Variants in SLC35F3 observed in about 807,000 individuals in gnomAD.
SLC35F3 encodes the protein solute carrier family 35 member F3.
Under a neutral mutation model 49.9 loss-of-function variants are expected in SLC35F3, and 25 were observed. The observed-to-expected ratio is 0.50, with a 90% confidence interval of 0.37 to 0.70. SLC35F3 has a LOEUF of 0.70. Among genes scored for constraint, SLC35F3 ranks in the 30% least tolerant of loss-of-function variants. The pLI is 0.00. For synonymous variants in SLC35F3, 275 were observed against 265.4 expected, an observed-to-expected ratio of 1.04 and a Z score of -0.35; for missense variants, 525 against 639.8, an observed-to-expected ratio of 0.82 and a Z score of 1.94.
rs1445858179 is a variant in SLC35F3 at position 234,038,770 on chromosome 1, T to C, written c.283+133012T>C. On this transcript the variant is annotated intron_variant, in intron 2 of 7. Transcript: ENST00000366618. ...CATTCTGGCTGCCCTCTGGAGTCCA[T>C]TTTGAGGTTGTTATAGTGTCCAAAT... Among the ~76,000 whole-genome samples, 3 of 152,178 alleles carry C rather than the reference T, an allele frequency of 2.0e-5. No individual in the cohort carries two copies. The East Asian group carries it at 5.8e-4, about 29-fold the overall frequency.
At chr1:234,066,929 G>A (rs1395070860) in intron 2 of SLC35F3, among the ~76,000 whole-genome samples, 1 of 151,256 alleles carries the variant, frequency 6.6e-6, no homozygotes, top group Non-Finnish European at 1.5e-5. Flanking sequence ...ACTTTCTGCA[G>A]TTCATTAGGG....
Position 234,046,765 on chromosome 1 carries a change from T to C in SLC35F3, c.283+141007T>C, listed in dbSNP as rs1664296867. Among the ~76,000 whole-genome samples, 1 of 152,238 alleles carries C rather than the reference T, an allele frequency of 6.6e-6. No homozygotes were observed. The highest frequency in any genetic ancestry group is 1.5e-5 in the Non-Finnish European group (1 of 68,022). ...TTTAATCCCTGAAATTTGTCTGTAA[T>C]GATAATAGACCTCTAATGCTAATAT... On this transcript the variant is annotated intron_variant, in intron 2 of 7. Transcript: ENST00000366618. This position sits in a 1 kb window ranked among gnomAD's most constrained non-coding sequence, Gnocchi z 4.4.
chr1:234,147,230 C>CTTTTTT (rs201359916), intron 2 of SLC35F3, among the ~76,000 whole-genome samples: 2 of 125,094 alleles, frequency 1.6e-5, no homozygotes, highest in Non-Finnish European at 3.4e-5. Flanking sequence ...TTTCTATTTT[C>CTTTTTT]TTTTTTTTTT....
chr1:234,039,733 G>A (rs556854757), intron 2 of SLC35F3, among the ~76,000 whole-genome samples: 14 of 152,308 alleles, frequency 9.2e-5, no homozygotes. Context: ...ACCCCTCGTG[G>A]GAGAGAGTGA....
At chr1:234,041,638 T>C (rs933954316) in intron 2 of SLC35F3, among the ~76,000 whole-genome samples, 1 of 152,188 alleles carries the variant, frequency 6.6e-6, no homozygotes, top group East Asian at 1.9e-4. Flanking sequence ...TAATTGTTCT[T>C]GCAAATACTC....
intron 2 of SLC35F3, among the ~76,000 whole-genome samples, chr1:234,004,213 G>T (rs1663596078): frequency 6.6e-6 from 1 of 152,090 alleles, no homozygotes; most frequent in African/African-American, 2.4e-5. Context: ...GTCAATAGAA[G>T]GATGTATAAA....
chr1:234,065,152 C>CTT (rs200485956), intron 2 of SLC35F3, among the ~76,000 whole-genome samples: 33 of 146,222 alleles, frequency 2.3e-4, no homozygotes, highest in Admixed American at 2.7e-4. Context: ...TGATCAAACA[C>CTT]TTTTTTTTTT....
At chr1:234,179,198 A>G (rs1263031296) in intron 2 of SLC35F3, among the ~76,000 whole-genome samples, 1 of 152,084 alleles carries the variant, frequency 6.6e-6, no homozygotes, top group Non-Finnish European at 1.5e-5. Flanking sequence ...TCCTACGCCG[A>G]GTGTTTCAGT....
chr1:234,060,066 A>G (rs1664518324), intron 2 of SLC35F3, among the ~76,000 whole-genome samples: 1 of 152,234 alleles, frequency 6.6e-6, no homozygotes, highest in Non-Finnish European at 1.5e-5. Context: ...CACAGATCCC[A>G]GTGAAATGAA....
intron 3 of SLC35F3, among the ~76,000 whole-genome samples, chr1:234,260,167 G>A (rs916102358): frequency 6.6e-6 from 1 of 152,096 alleles, no homozygotes; most frequent in African/African-American, 2.4e-5. Flanking sequence ...ACACTCCTTA[G>A]TACTGGTTAC....
intron 2 of SLC35F3, among the ~76,000 whole-genome samples, chr1:234,031,014 C>T (rs1664054426): frequency 6.6e-6 from 1 of 152,122 alleles, no homozygotes. Flanking sequence ...AGCCTGTTAC[C>T]ATCATTCATG....
chr1:234,052,502 A>G (rs1664392889), intron 2 of SLC35F3, among the ~76,000 whole-genome samples: 2 of 152,006 alleles, frequency 1.3e-5, no homozygotes, highest in South Asian at 4.2e-4. Flanking sequence ...ATCATATTTT[A>G]TTGCATCTAG....
chr1:234,147,979 G>A (rs932812821), intron 2 of SLC35F3, among the ~76,000 whole-genome samples: 2 of 152,234 alleles, frequency 1.3e-5, no homozygotes, highest in African/African-American at 4.8e-5. Flanking sequence ...GCCACAGTGG[G>A]AGGAGTCAGG....
chr1:234,067,848 G>C lies in SLC35F3; in HGVS notation c.283+162090G>C, dbSNP rs1158179309. ...TGAGGAGCAAATGAAGGGGTCATGG[G>C]TCATGGTGGTGGTGATTTGTTACAC... is the stretch of plus-strand genomic sequence containing the variant. On this transcript the variant is annotated intron_variant, in intron 2 of 7. Coordinates refer to ENST00000366618, the MANE Select transcript of SLC35F3 (RefSeq NM_173508.4). Among the ~76,000 whole-genome samples, 7 of 152,188 alleles carry C rather than the reference G, an allele frequency of 4.6e-5. No individual in the cohort carries two copies. In the South Asian group the frequency reaches 6.2e-4, roughly 14 times the overall value.
chr1:234,299,613 G>A (rs1668659847), intron 3 of SLC35F3, among the ~76,000 whole-genome samples: 1 of 151,970 alleles, frequency 6.6e-6, no homozygotes, highest in Non-Finnish European at 1.5e-5. Context: ...AGATCATCCT[G>A]GCTAACACGG....
intron 3 of SLC35F3, among the ~76,000 whole-genome samples, chr1:234,269,191 T>C (rs1668058939): frequency 6.6e-6 from 1 of 152,196 alleles, no homozygotes; most frequent in Non-Finnish European, 1.5e-5. Flanking sequence ...CATTTAATAT[T>C]TTAAAGAAAA....
At chr1:234,000,563 G>A (rs1040866237) in intron 2 of SLC35F3, among the ~76,000 whole-genome samples, 6 of 152,174 alleles carry the variant, frequency 3.9e-5, no homozygotes, top group African/African-American at 7.2e-5. Context: ...CCATTGCTGC[G>A]TACAAGCAGT....
intron 2 of SLC35F3, among the ~76,000 whole-genome samples, chr1:234,180,899 CCAT>C (rs1558252339): frequency 1.3e-5 from 2 of 152,122 alleles, no homozygotes; most frequent in African/African-American, 4.8e-5. Flanking sequence ...TGCCATGTAT[CCAT>C]CACCCAGTTT....
At chr1:234,221,367 C>T (rs573527478) in intron 2 of SLC35F3, among the ~76,000 whole-genome samples, 82 of 152,174 alleles carry the variant, frequency 5.4e-4, no homozygotes, top group African/African-American at 1.8e-3. Flanking sequence ...ATTAATGCAA[C>T]GGTGGCCTAG....
Sources: gnomAD v4.1 joint callset for allele counts (sites outside exome capture counted in the v4.1 genomes callset) on GRCh38, gnomAD v4.1.1 for gene constraint, Gnocchi (gnomAD v3.1) non-coding constraint, MANE v1.5 for transcripts, NCBI Gene and HGNC (gene_info 2026-07-23, HGNC 2026-07-21) for gene names.